The following F13B variants were observed in gnomAD, a reference collection of about 807,000 sequenced individuals.
F13B encodes TGase.
F13B carries 58 observed loss-of-function variants against 79.8 expected under a neutral mutation model. The observed-to-expected ratio is 0.73, with a 90% CI of 0.59 to 0.90. The LOEUF is 0.90. F13B is among the 40% of genes least tolerant of loss of function. F13B has a pLI of 0.00. For synonymous variants in F13B, 283 were observed against 260.3 expected, an observed-to-expected ratio of 1.09 and a Z score of -0.84; for missense variants, 773 against 777.0, an observed-to-expected ratio of 0.99 and a Z score of 0.06.
Position 197,050,681 on chromosome 1 carries a change from AT to A in F13B, c.1738+15del. 1 of 1,609,392 alleles carries A rather than the reference AT, an allele frequency of 6.2e-7. No individual in the cohort carries two copies. On this transcript the variant is annotated intron_variant, in intron 10 of 11. Transcript: ENST00000367412. ...TATAGTTTTACTTTGTTAGAGGCAT[AT>A]TTAGTAGTACATACCTAAACACAAT... is the stretch of plus-strand genomic sequence containing the variant.
At chr1:197,050,958 G>GGGAGAC in intron 9 of F13B, 79 bp from the exon 10 acceptor site, 9 of 1,204,508 alleles carry the variant, frequency 7.5e-6, no homozygotes, top group South Asian at 1.3e-5. Context: ...CAGAGACAGA[G>GGGAGAC]TCTCCCTCTG....
chr1:197,043,877 G>A (rs192691771), intron 10 of F13B, among the ~76,000 whole-genome samples: 62 of 152,028 alleles, frequency 4.1e-4, no homozygotes, highest in Non-Finnish European at 6.5e-4. Flanking sequence ...AAAGATATTA[G>A]CCAAACATTT....
At chr1:197,049,599 C>T (rs17514683) in intron 10 of F13B, among the ~76,000 whole-genome samples, 280 of 152,134 alleles carry the variant, frequency 1.8e-3, no homozygotes, top group African/African-American at 6.5e-3. Flanking sequence ...CGGAAAAACT[C>T]AAGTCCCAGA....
rs559679595 is a variant in F13B at position 197,043,186 on chromosome 1, A to C, written c.1739-2451T>G. On this transcript the variant is annotated intron_variant, in intron 10 of 11. Coordinates refer to ENST00000367412, the MANE Select transcript of F13B (RefSeq NM_001994.3). Reference sequence around the variant, plus strand: ...GCAGTCTCCCAGTAATATCAGAGACAGTCAAGGAGAAAAAGCTTTAATACA... The same window carrying C: ...GCAGTCTCCCAGTAATATCAGAGACCGTCAAGGAGAAAAAGCTTTAATACA... 1.4e-3 allele frequency among the ~76,000 whole-genome samples: 211 copies of C among 152,314 alleles called. 2 individuals are homozygous for C. Among genetic ancestry groups the C allele is most frequent in the African/African-American group, 4.7e-3 (196 of 41,566 alleles).
chr1:197,050,460 C>T (rs182425355), intron 10 of F13B, among the ~76,000 whole-genome samples: 441 of 152,114 alleles, frequency 2.9e-3, no homozygotes, highest in Non-Finnish European at 5.0e-3. Flanking sequence ...CAACTTATAG[C>T]CCATACCAAC....
At chr1:197,046,629 A>G (rs1231477559) in intron 10 of F13B, among the ~76,000 whole-genome samples, 1 of 152,206 alleles carries the variant, frequency 6.6e-6, no homozygotes, top group Non-Finnish European at 1.5e-5. Context: ...TCAAACTACC[A>G]TTGACTTTCT....
At position 197,050,714 on chromosome 1, in the gene F13B, G is replaced by A; in HGVS notation, c.1721C>T (p.Thr574Ile). The A allele has an allele frequency of 1.2e-6, 2 of 1,613,054 alleles. No homozygotes were observed. The stretch of plus-strand genomic sequence containing the variant: ...GTACATACCTAAACACAATGGTGGT[G>A]TAGTCCACATTCCATCTAAACAATA... Reference protein sequence around the residue: ...EAYCLDGMWTTPPLCLEPCTL... With the variant: ...EAYCLDGMWTIPPLCLEPCTL... The change falls in exon 10 of 12, where the codon ACA becomes ATA. Residue 574 changes from threonine to isoleucine, a missense_variant. By Grantham distance (89) the Thr-to-Ile change is moderately conservative. Coordinates refer to ENST00000367412, the MANE Select transcript of F13B (RefSeq NM_001994.3).
chr1:197,061,827 G>C lies in F13B; in HGVS notation c.408C>G (p.Leu136=). Residue 136 remains leucine, a synonymous_variant, in exon 3 of 12, where the codon CTC becomes CTG. Transcript: ENST00000367412. ...TTGGTTGAGAAGACCATCCATCAGAGAGACATTGAACCACTTCTTCATCCT... is the reference window on the plus strand; with the variant it reads ...TTGGTTGAGAAGACCATCCATCAGACAGACATTGAACCACTTCTTCATCCT... The part of the protein sequence containing the change: ...GGKDEEVVQC[L]SDGWSSQPTC... 2 of 1,613,432 alleles carry C rather than the reference G, an allele frequency of 1.2e-6. No homozygotes were observed. The highest frequency in any genetic ancestry group is 1.7e-6 in the Non-Finnish European group (2 of 1,179,622).
chr1:197,041,319 T>A (rs917757031), intron 10 of F13B, among the ~76,000 whole-genome samples: 10 of 152,118 alleles, frequency 6.6e-5, no homozygotes, highest in African/African-American at 2.2e-4. Flanking sequence ...GCATACAAAG[T>A]ATAGTTGTGT....
chr1:197,056,011 AATTC>A, intron 7 of F13B, 114 bp from the exon 8 acceptor site: 1 of 1,041,242 alleles, frequency 9.6e-7, no homozygotes, highest in Non-Finnish European at 1.4e-6. Context: ...TTGTTTTATA[AATTC>A]ATTACAAATA....
chr1:197,057,536 T>C, intron 5 of F13B, 71 bp from the exon 6 acceptor site: 1 of 1,468,660 alleles, frequency 6.8e-7, no homozygotes, highest in African/African-American at 1.4e-5. Context: ...AATTAAAATA[T>C]TCATCATGTC....
At chr1:197,058,748 G>A (rs571134029) in intron 5 of F13B, among the ~76,000 whole-genome samples, 1 of 152,184 alleles carries the variant, frequency 6.6e-6, no homozygotes, top group East Asian at 1.9e-4. Flanking sequence ...ACGTTTAATG[G>A]TTCTCAGTAT....
intron 1 of F13B, among the ~76,000 whole-genome samples, chr1:197,066,408 T>C (rs4915148): frequency 0.79 from 119,364 of 152,040 alleles, 50,058 homozygotes; most frequent in East Asian, 1. Flanking sequence ...CTTCATCCTA[T>C]GGCCTGATAA....
intron 10 of F13B, among the ~76,000 whole-genome samples, chr1:197,043,970 C>T (rs1034274546): frequency 6.6e-6 from 1 of 151,930 alleles, no homozygotes; most frequent in Non-Finnish European, 1.5e-5. Context: ...AAGAGAGTCT[C>T]ATTGTGTTGC....
At chr1:197,047,511 G>A (rs897423106) in intron 10 of F13B, among the ~76,000 whole-genome samples, 1 of 152,172 alleles carries the variant, frequency 6.6e-6, no homozygotes, top group African/African-American at 2.4e-5. Flanking sequence ...GAAAGGATGT[G>A]GAGAAATAGG....
intron 3 of F13B, 114 bp downstream of exon 3, chr1:197,061,670 T>C (rs1205797137): frequency 5.6e-6 from 5 of 887,336 alleles, no homozygotes; most frequent in African/African-American, 3.4e-5. Context: ...TCCTGCATTG[T>C]AGACATAATG....
At chr1:197,044,042 C>CATAT (rs17549797) in intron 10 of F13B, among the ~76,000 whole-genome samples, 1 of 149,996 alleles carries the variant, frequency 6.7e-6, no homozygotes, top group African/African-American at 2.5e-5. Context: ...GGAACTAACT[C>CATAT]ATATATATAT....
chr1:197,056,409 A>G (rs554782887), intron 7 of F13B, among the ~76,000 whole-genome samples: 1 of 152,182 alleles, frequency 6.6e-6, no homozygotes, highest in African/African-American at 2.4e-5. Context: ...ATGTGTGTGG[A>G]GATGTTGCTC....
At chr1:197,054,075 A>G (rs1655551712) in intron 8 of F13B, among the ~76,000 whole-genome samples, 3 of 152,108 alleles carry the variant, frequency 2.0e-5, no homozygotes, top group Admixed American at 2.0e-4. Context: ...TCCAGTTTCA[A>G]TAGTTACCAA....
Sources: gnomAD v4.1 joint callset for allele counts (sites outside exome capture counted in the v4.1 genomes callset) on GRCh38, gnomAD v4.1.1 for gene constraint, MANE v1.5 for transcripts, NCBI Gene and HGNC (gene_info 2026-07-23, HGNC 2026-07-21) for gene names.